Variants in YEATS2 observed in about 807,000 individuals in gnomAD.
YEATS2 encodes the protein YEATS domain-containing protein 2.
Under a neutral mutation model 163.2 loss-of-function variants are expected in YEATS2, and 77 were observed. The ratio of observed to expected loss-of-function variants is 0.47; its 90% CI spans 0.39 to 0.57. The LOEUF is 0.57. Ranked by LOEUF, YEATS2 falls within the 20% of genes least tolerant of loss-of-function variation. YEATS2 has a pLI of 0.00. For missense variants in YEATS2, 1,549 were observed against 1,729.8 expected, an observed-to-expected ratio of 0.90 and a Z score of 1.85; for synonymous variants, 631 against 645.1, an observed-to-expected ratio of 0.98 and a Z score of 0.33.
rs1713632664 is a variant in YEATS2, at chr3:183,697,865, C to G, written c.-148C>G. 1 of 151,238 alleles carries G rather than the reference C, an allele frequency of 6.6e-6. No homozygotes were observed. Among genetic ancestry groups the G allele is most frequent in the African/African-American group, 2.4e-5 (1 of 41,254 alleles). The allele number at this position is 151,238 out of a possible 1,614,324, so 9.4% of individuals were successfully genotyped here. Reference sequence around the variant, plus strand: ...GGCTCCACCGCGCCGTGTGCTTCCGCAGGTTGCGGGGGTCGCTGGGGCCTT... The same window carrying G: ...GGCTCCACCGCGCCGTGTGCTTCCGGAGGTTGCGGGGGTCGCTGGGGCCTT... On this transcript the variant is annotated 5_prime_UTR_variant, in exon 1 of 31. Transcript: ENST00000305135.
intron 19 of YEATS2, among the ~76,000 whole-genome samples, chr3:183,785,091 A>G (rs1332439043): frequency 6.6e-6 from 1 of 151,754 alleles, no homozygotes; most frequent in African/African-American, 2.4e-5. Context: ...AAGTTTGTTG[A>G]GCCTTTATTT....
intron 8 of YEATS2, 67 bp downstream of exon 8, chr3:183,736,896 A>C: frequency 3.6e-6 from 5 of 1,407,870 alleles, no homozygotes; most frequent in Admixed American, 4.0e-5. Flanking sequence ...TGATCCTTGA[A>C]TAGCATGGCG....
rs569547098 is a variant in YEATS2 at position 183,714,983 on chromosome 3, TA to T, written c.-19-160del. Among the ~76,000 whole-genome samples, 17 of 152,236 alleles carry T rather than the reference TA, an allele frequency of 1.1e-4. No homozygotes were observed. In the South Asian group the frequency reaches 2.1e-3, roughly 19 times the overall value. On this transcript the variant is annotated intron_variant, in intron 1 of 30. Coordinates refer to ENST00000305135, the MANE Select transcript of YEATS2 (RefSeq NM_018023.5). ...TAAAAGAAATATGTATATGTGTGTATATACACATACCCACAGACTTGCAAGT... is the reference window on the plus strand; with the variant it reads ...TAAAAGAAATATGTATATGTGTGTATTACACATACCCACAGACTTGCAAGT...
At position 183,762,698 on chromosome 3, in the gene YEATS2, CT is replaced by C. The variant is rs111469866; in HGVS notation, c.1947+431del. Among the ~76,000 whole-genome samples the C allele has an allele frequency of 1.3e-3, 190 of 143,188 alleles. No individual in the cohort carries two copies. In the Middle Eastern group the frequency reaches 0.014, roughly 11 times the overall value. 93.9% of individuals were successfully genotyped at this position (143,188 alleles called of 152,430 possible). ...ATGATTCTTAGCTTTCTGTAGAGTT[CT>C]TTTTTTTTTTTAATAATTTGGAGGT... On this transcript the variant is annotated intron_variant, in intron 15 of 30. Transcript: ENST00000305135.
In YEATS2 at chr3:183,775,986, G is replaced by C; in HGVS notation, c.2440G>C (p.Gly814Arg). 1 of 1,608,508 alleles carries C rather than the reference G, an allele frequency of 6.2e-7. No individual in the cohort carries two copies. Among genetic ancestry groups the C allele is most frequent in the Non-Finnish European group, 8.5e-7 (1 of 1,176,930 alleles). Residue 814 changes from glycine to arginine, a missense_variant, in exon 18 of 31, where the codon GGC becomes CGC. Transcript: ENST00000305135. ...AGGAGGAGGAGGAGGAGGAGGAGGC[G>C]GCAGTGGCAGCGGTGGAGGCGGCAG... ...GGGGGGGGGG[G>R]SGSGGGGSTG...
At chr3:183,731,319 G>C (rs926341469) in intron 7 of YEATS2, among the ~76,000 whole-genome samples, 3 of 148,010 alleles carry the variant, frequency 2.0e-5, no homozygotes, top group East Asian at 2.0e-4. Flanking sequence ...AAAAAAAAGC[G>C]GAATATTTGG....
intron 2 of YEATS2, among the ~76,000 whole-genome samples, chr3:183,716,195 G>A (rs1424023624): frequency 2.0e-5 from 3 of 152,044 alleles, no homozygotes; most frequent in South Asian, 4.1e-4. Flanking sequence ...TCCTGACCTC[G>A]TGATCCACCC....
chr3:183,703,630 G>T (rs1714331933), intron 1 of YEATS2, among the ~76,000 whole-genome samples: 1 of 152,166 alleles, frequency 6.6e-6, no homozygotes, highest in Non-Finnish European at 1.5e-5. Context: ...AATAGGTGGA[G>T]AAATTTTAAT....
intron 4 of YEATS2, among the ~76,000 whole-genome samples, chr3:183,721,155 C>G (rs1400686185): frequency 6.6e-6 from 1 of 152,170 alleles, no homozygotes; most frequent in Non-Finnish European, 1.5e-5. Flanking sequence ...TCGTGATCAA[C>G]CATTTAATTA....
At chr3:183,746,478 T>G (rs553729716) in intron 8 of YEATS2, among the ~76,000 whole-genome samples, 1 of 152,326 alleles carries the variant, frequency 6.6e-6, no homozygotes, top group Non-Finnish European at 1.5e-5. Context: ...CTGTTCCTGT[T>G]ACATTTCTTG....
intron 11 of YEATS2, among the ~76,000 whole-genome samples, chr3:183,755,837 C>T (rs2109312381): frequency 6.8e-6 from 1 of 147,152 alleles, no homozygotes; most frequent in East Asian, 2.1e-4. Flanking sequence ...CACTCCGCCA[C>T]CCGGGTTCAA....
chr3:183,783,559 C>T (rs1425970106), intron 19 of YEATS2, among the ~76,000 whole-genome samples: 5 of 152,160 alleles, frequency 3.3e-5, no homozygotes, highest in African/African-American at 1.2e-4. Context: ...CCCTCCCTGC[C>T]CCATGTCATA....
At chr3:183,703,692 A>T (rs149925860) in intron 1 of YEATS2, among the ~76,000 whole-genome samples, 1 of 152,168 alleles carries the variant, frequency 6.6e-6, no homozygotes, top group South Asian at 2.1e-4. Flanking sequence ...TGCATGCCTA[A>T]TGATTTTCTC....
chr3:183,727,650 T>C (rs1441395503), intron 6 of YEATS2, among the ~76,000 whole-genome samples: 2 of 152,114 alleles, frequency 1.3e-5, no homozygotes, highest in African/African-American at 2.4e-5. Flanking sequence ...ATTTTCTACA[T>C]GAATCTAAGA....
rs1018861179 is a variant in YEATS2 at position 183,736,525 on chromosome 3, TTTGAG to T, written c.813-185_813-181del. On this transcript the variant is annotated intron_variant, in intron 7 of 30. Coordinates refer to ENST00000305135, the MANE Select transcript of YEATS2 (RefSeq NM_018023.5). ...TCAATAATTGAAAGTTTAATAGAGG[TTTGAG>T]TTGAGTTTTTTCTTTTAAAATTTAT... Among the ~76,000 whole-genome samples, 135 of 152,234 alleles carry T rather than the reference TTTGAG, an allele frequency of 8.9e-4. 1 individual carries two copies. The highest frequency in any genetic ancestry group is 3.1e-3 in the African/African-American group (127 of 41,544).
In YEATS2 at chr3:183,772,213, T is replaced by C. The variant is rs1401892838; in HGVS notation, c.1948-92T>C. ...TGACTGAATTAGGCTGCATGTATTA[T>C]GTGCAGGCCTTTGTTTTGCTCTCTG... On this transcript the variant is annotated intron_variant, in intron 15 of 30. Transcript: ENST00000305135. 7 of 1,550,198 alleles carry C rather than the reference T, an allele frequency of 4.5e-6. No individual in the cohort carries two copies. In the East Asian group the frequency reaches 6.8e-5, roughly 15 times the overall value.
chr3:183,799,775 T>C (rs1176132739), intron 23 of YEATS2, among the ~76,000 whole-genome samples: 1 of 151,976 alleles, frequency 6.6e-6, no homozygotes, highest in Non-Finnish European at 1.5e-5. Flanking sequence ...GTCCCAGTAT[T>C]AGAACGTAGA....
chr3:183,748,085 C>G (rs1358620231), intron 9 of YEATS2, among the ~76,000 whole-genome samples: 1 of 151,830 alleles, frequency 6.6e-6, no homozygotes, highest in African/African-American at 2.4e-5. Flanking sequence ...CATTCTCACA[C>G]TATTATAAAT....
chr3:183,789,859 G>T (rs1463382836), intron 20 of YEATS2, among the ~76,000 whole-genome samples: 3 of 152,024 alleles, frequency 2.0e-5, no homozygotes. Context: ...ATTTTTGTAC[G>T]TGGTGTGAGG....
Sources: allele counts gnomAD v4.1 joint callset (sites outside exome capture counted in the v4.1 genomes callset), GRCh38; gene constraint gnomAD v4.1.1; transcripts MANE v1.5; gene names NCBI Gene and HGNC (gene_info 2026-07-23, HGNC 2026-07-21).